TRIM71: variants seen among roughly 807,000 people sequenced by gnomAD.
TRIM71 encodes the protein tripartite motif containing 71, also known as E3 ubiquitin-protein ligase TRIM71.
In TRIM71, 9 loss-of-function variants were observed where a neutral mutation model predicts 61.2. The observed-to-expected ratio is 0.15, with a 90% CI of 0.09 to 0.26. The LOEUF is 0.26. TRIM71 is among the 10% of genes least tolerant of loss of function. TRIM71 has a pLI of 1.00. For missense variants in TRIM71, 998 were observed against 1,238.7 expected, an observed-to-expected ratio of 0.81 and a Z score of 2.92; for synonymous variants, 645 against 553.2, an observed-to-expected ratio of 1.17 and a Z score of -2.33.
intron 1 of TRIM71, among the ~76,000 whole-genome samples, chr3:32,834,482 A>C (rs1224648470): frequency 6.6e-6 from 1 of 152,232 alleles, no homozygotes; most frequent in Non-Finnish European, 1.5e-5. Context: ...ATACACAGGC[A>C]TACAATGAAA....
intron 2 of TRIM71, among the ~76,000 whole-genome samples, chr3:32,883,578 A>G (rs1696931116): frequency 6.6e-6 from 1 of 152,204 alleles, no homozygotes; most frequent in African/African-American, 2.4e-5. Context: ...TTAAGATTCA[A>G]CTTAATCTAC....
rs1390609723 is a variant in TRIM71 at position 32,890,917 on chromosome 3, T to C, written c.1713T>C (p.Ile571=). 2.5e-6 allele frequency: 4 copies of C among 1,614,122 alleles called. No homozygotes were observed. The highest frequency in any genetic ancestry group is 2.5e-6 in the Non-Finnish European group (3 of 1,180,022). The part of the protein sequence containing the change: ...LVSVTLCNQH[I]ENSPFKVVVK... The stretch of plus-strand genomic sequence containing the variant: ...CTGTGACACTGTGCAACCAGCACAT[T>C]GAGAACAGCCCTTTCAAGGTGGTGG... Residue 571 remains isoleucine, a synonymous_variant, in exon 4 of 4, where the codon ATT becomes ATC. Coordinates refer to ENST00000383763, the MANE Select transcript of TRIM71 (RefSeq NM_001039111.3). The surrounding 1 kb of genome is among the most constrained non-coding windows in gnomAD (Gnocchi z 6.2).
chr3:32,863,549 T>C (rs1175873337), intron 1 of TRIM71, among the ~76,000 whole-genome samples: 2 of 152,222 alleles, frequency 1.3e-5, no homozygotes, highest in African/African-American at 4.8e-5. Context: ...CAACTACTGT[T>C]GTTTTCTTCC....
chr3:32,830,155 T>C (rs1416342411), intron 1 of TRIM71, among the ~76,000 whole-genome samples: 1 of 152,110 alleles, frequency 6.6e-6, no homozygotes, highest in African/African-American at 2.4e-5. Flanking sequence ...ACTCCTGACC[T>C]CAGGTGATCC....
intron 1 of TRIM71, among the ~76,000 whole-genome samples, chr3:32,830,514 C>T (rs1180971493): frequency 6.6e-6 from 1 of 152,096 alleles, no homozygotes; most frequent in Non-Finnish European, 1.5e-5. Context: ...TCCAGATTGC[C>T]GGGAATGGAG....
chr3:32,858,121 G>T (rs185641288), intron 1 of TRIM71, among the ~76,000 whole-genome samples: 2 of 152,296 alleles, frequency 1.3e-5, no homozygotes, highest in East Asian at 3.9e-4. Context: ...TCTTAGGGGT[G>T]GCAGAGGTAG....
At chr3:32,834,885 A>G (rs1696316724) in intron 1 of TRIM71, among the ~76,000 whole-genome samples, 1 of 152,170 alleles carries the variant, frequency 6.6e-6, no homozygotes, top group African/African-American at 2.4e-5. Flanking sequence ...TTGAGCATTC[A>G]TTTTGTCTAG....
intron 2 of TRIM71, among the ~76,000 whole-genome samples, chr3:32,874,409 C>T (rs1051052782): frequency 1.3e-5 from 2 of 152,146 alleles, no homozygotes; most frequent in Non-Finnish European, 2.9e-5. Context: ...GTCACCCAGG[C>T]TGGAGTGCAG....
chr3:32,879,630 T>C (rs187990382), intron 2 of TRIM71, among the ~76,000 whole-genome samples: 38 of 151,194 alleles, frequency 2.5e-4, no homozygotes, highest in African/African-American at 8.5e-4. Context: ...ATGACACCAG[T>C]AGATTTGGTT....
At chr3:32,855,528 C>A (rs1420572316) in intron 1 of TRIM71, among the ~76,000 whole-genome samples, 3 of 152,128 alleles carry the variant, frequency 2.0e-5, no homozygotes, top group African/African-American at 7.2e-5. Flanking sequence ...CTGTCTCTAG[C>A]CCTCCTCTTT....
chr3:32,884,236 C>T (rs1172865293), intron 2 of TRIM71, among the ~76,000 whole-genome samples: 1 of 152,162 alleles, frequency 6.6e-6, no homozygotes, highest in Non-Finnish European at 1.5e-5. Context: ...CAGGCATTAG[C>T]CTCTGTGCCT....
At chr3:32,841,847 C>T (rs773684808) in intron 1 of TRIM71, among the ~76,000 whole-genome samples, 1 of 152,150 alleles carries the variant, frequency 6.6e-6, no homozygotes, top group South Asian at 2.1e-4. Flanking sequence ...TTAAAAATTT[C>T]TGTAGTGACA....
intron 2 of TRIM71, among the ~76,000 whole-genome samples, chr3:32,882,645 CA>C (rs1297421570): frequency 2.6e-4 from 39 of 152,164 alleles, no homozygotes; most frequent in Non-Finnish European, 4.4e-5. Context: ...TCCCAAGACT[CA>C]AGCAATCCTT....
rs1697009077 is a variant in TRIM71 at position 32,890,196 on chromosome 3, AT to A, written c.1156-160del. ...AACAGTTCTTCAGGTTTTTTGGTCC[AT>A]TTTGATTTTGCTGCTTTTGAAGAAA... is the stretch of plus-strand genomic sequence containing the variant. On this transcript the variant is annotated intron_variant, in intron 3 of 3. Transcript: ENST00000383763. The surrounding 1 kb of genome is among the most constrained non-coding windows in gnomAD (Gnocchi z 6.2). 6.6e-6 allele frequency among the ~76,000 whole-genome samples: 1 copy of A among 152,048 alleles called. No individual in the cohort carries two copies. The highest frequency in any genetic ancestry group is 2.4e-5 in the African/African-American group (1 of 41,404).
chr3:32,882,296 G>C (rs886879909), intron 2 of TRIM71, among the ~76,000 whole-genome samples: 3 of 152,042 alleles, frequency 2.0e-5, no homozygotes, highest in Non-Finnish European at 4.4e-5. Context: ...ATTGAGGAAG[G>C]ATTAAGAAAT....
intron 1 of TRIM71, among the ~76,000 whole-genome samples, chr3:32,859,075 C>T (rs1030371213): frequency 2.0e-4 from 30 of 152,256 alleles, no homozygotes; most frequent in African/African-American, 7.0e-4. Flanking sequence ...TCAGTCTGGG[C>T]AGTGGGTGCC....
At chr3:32,888,622 C>T (rs181551875) in intron 3 of TRIM71, among the ~76,000 whole-genome samples, 1 of 152,002 alleles carries the variant, frequency 6.6e-6, no homozygotes, top group Non-Finnish European at 1.5e-5. Context: ...CTCACTGCAA[C>T]CTCCGTCTCC....
chr3:32,820,882 A>G (rs1054615873), intron 1 of TRIM71, among the ~76,000 whole-genome samples: 8 of 152,230 alleles, frequency 5.3e-5, no homozygotes, highest in Non-Finnish European at 1.2e-4. Flanking sequence ...AATCCTTAAC[A>G]TAAAATTTGC....
At chr3:32,861,352 GAACTCCTGGC>G (rs1427241468) in intron 1 of TRIM71, among the ~76,000 whole-genome samples, 14 of 150,172 alleles carry the variant, frequency 9.3e-5, no homozygotes, top group African/African-American at 3.4e-4. Flanking sequence ...GGCTGGTCTC[GAACTCCTGGC>G]CTCAGGTGAT....
Sources: gnomAD v4.1 joint callset for allele counts (sites outside exome capture counted in the v4.1 genomes callset) on GRCh38, gnomAD v4.1.1 for gene constraint, Gnocchi (gnomAD v3.1) non-coding constraint, MANE v1.5 for transcripts, NCBI Gene and HGNC (gene_info 2026-07-23, HGNC 2026-07-21) for gene names.